Variants in ST6GALNAC2 observed in about 807,000 individuals in gnomAD.
The protein encoded by ST6GALNAC2 is ST6 N-acetylgalactosaminide alpha-2,6-sialyltransferase 2.
A neutral mutation model predicts 38.7 loss-of-function variants in ST6GALNAC2; 42 were observed. The observed-to-expected ratio is 1.09, with a 90% CI of 0.85 to 1.40. The LOEUF (loss-of-function observed/expected upper bound fraction) is 1.40. Ranked by LOEUF, ST6GALNAC2 falls within the 40% of genes most tolerant of loss-of-function variation. The pLI is 0.00. For synonymous variants in ST6GALNAC2, 233 were observed against 209.0 expected, an observed-to-expected ratio of 1.11 and a Z score of -0.99; for missense variants, 506 against 481.7, an observed-to-expected ratio of 1.05 and a Z score of -0.47.
intron 2 of ST6GALNAC2, among the ~76,000 whole-genome samples, chr17:76,575,564 G>A (rs1439547067): frequency 6.6e-6 from 1 of 152,218 alleles, no homozygotes; most frequent in Admixed American, 6.5e-5. Flanking sequence ...GCCTTCGGAG[G>A]GAGCGTGGCC....
At position 76,566,044 on chromosome 17, in the gene ST6GALNAC2, G is replaced by A. The variant is rs191069946; in HGVS notation, c.*60C>T. On this transcript the variant is annotated 3_prime_UTR_variant, in exon 9 of 9. Coordinates refer to ENST00000225276, the MANE Select transcript of ST6GALNAC2 (RefSeq NM_006456.3). ...GATTGAAAAGTTAAAAAAGCTTTTG[G>A]CCACTTGAGAGGATCAGGGCCGCAA... 3.9e-4 allele frequency: 595 copies of A among 1,537,244 alleles called. 1 individual carries two copies. Among genetic ancestry groups the A allele is most frequent in the African/African-American group, 2.5e-3 (180 of 71,912 alleles).
chr17:76,582,329 T>C (rs2075487963), intron 1 of ST6GALNAC2, among the ~76,000 whole-genome samples: 2 of 109,656 alleles, frequency 1.8e-5, no homozygotes. Context: ...TGTGTCACCA[T>C]GCCTGGCTAT....
intron 1 of ST6GALNAC2, among the ~76,000 whole-genome samples, chr17:76,579,344 G>A (rs1051764307): frequency 5.9e-5 from 9 of 152,262 alleles, no homozygotes; most frequent in African/African-American, 2.2e-4. Flanking sequence ...GAAATGTGGA[G>A]TTTATAGGAA....
chr17:76,583,956 C>A (rs1414281288), intron 1 of ST6GALNAC2, among the ~76,000 whole-genome samples: 1 of 147,128 alleles, frequency 6.8e-6, no homozygotes, highest in African/African-American at 2.5e-5. Flanking sequence ...TACAGGTGCC[C>A]GCCACCACGC....
Position 76,573,159 on chromosome 17 carries a change from T to TGCCCC in ST6GALNAC2, c.530+35_530+36insGGGGC. 3 of 1,530,322 alleles carry TGCCCC rather than the reference T, an allele frequency of 2.0e-6. No homozygotes were observed. The highest frequency in any genetic ancestry group is 2.7e-6 in the Non-Finnish European group (3 of 1,120,830). 94.8% of individuals were successfully genotyped at this position (1,530,322 alleles called of 1,614,324 possible). A position where few individuals can be genotyped will look rare whatever the true frequency, so the allele number is the denominator to read the frequency against. On this transcript the variant is annotated intron_variant, in intron 4 of 8. Coordinates refer to ENST00000225276, the MANE Select transcript of ST6GALNAC2 (RefSeq NM_006456.3). The surrounding 1 kb of genome is among the most constrained non-coding windows in gnomAD (Gnocchi z 5.1). ...GACACCCCCACCCTCCAGGCAACTC[T>TGCCCC]CCCTCCCGCCCCTCCCCAGCTCCTA...
rs141875733 is a variant in ST6GALNAC2 at position 76,574,402 on chromosome 17, G to T, written c.324C>A (p.His108Gln). ...GCCCCCGCCAGCCATACGGGGCTTT[G>T]TGTTGGCTCAGGCGGTCCCAGAGCG... ...TPALWDRLSQHKAPYGWRGLS... is the reference protein window; with the variant it reads ...TPALWDRLSQQKAPYGWRGLS... The change falls in exon 3 of 9, where the codon CAC becomes CAA. Residue 108 changes from histidine to glutamine, a missense_variant. By Grantham distance (24) the His-to-Gln change is conservative. Transcript: ENST00000225276. 3.7e-6 allele frequency: 6 copies of T among 1,613,842 alleles called. No homozygotes were observed. Among genetic ancestry groups the T allele is most frequent in the Non-Finnish European group, 5.1e-6 (6 of 1,179,916 alleles).
At position 76,567,477 on chromosome 17, in the gene ST6GALNAC2, C is replaced by A. The variant is rs1032601982; in HGVS notation, c.933G>T (p.Leu311=). The A allele has an allele frequency of 1.2e-6, 2 of 1,613,878 alleles. No homozygotes were observed. The highest frequency in any genetic ancestry group is 8.5e-7 in the Non-Finnish European group (1 of 1,179,896). ...CCTGGTCACAGGTATGCAAAGCTGT[C>A]AGCAGCATGAGAGCCCCGGTACTAG... The part of the protein sequence containing the change: ...YMPSTGALML[L]TALHTCDQVS... The change falls in exon 8 of 9, where the codon CTG becomes CTT. Residue 311 remains leucine, a synonymous_variant. Coordinates refer to ENST00000225276, the MANE Select transcript of ST6GALNAC2 (RefSeq NM_006456.3).
intron 1 of ST6GALNAC2, among the ~76,000 whole-genome samples, chr17:76,580,529 A>G (rs1190799533): frequency 1.3e-5 from 2 of 152,076 alleles, no homozygotes; most frequent in Admixed American, 1.3e-4. Flanking sequence ...CCCCATCTCT[A>G]CTAAAAATAC....
intron 6 of ST6GALNAC2, chr17:76,569,218 T>G (rs1160369440): frequency 6.7e-6 from 1 of 149,850 alleles, no homozygotes; most frequent in East Asian, 1.2e-4. Flanking sequence ...AAAGGGGGGC[T>G]CCTTCAGAAA....
At chr17:76,574,339 G>A (rs1269186115) in intron 3 of ST6GALNAC2, 26 bp downstream of exon 3, 1 of 1,602,864 alleles carries the variant, frequency 6.2e-7, no homozygotes, top group East Asian at 2.2e-5. Flanking sequence ...GCAGAAGGCA[G>A]GTGAGAGACA....
intron 1 of ST6GALNAC2, among the ~76,000 whole-genome samples, chr17:76,582,164 C>CTTTTTTTTTTTTTT (rs71158025): frequency 1.6e-5 from 1 of 62,060 alleles, no homozygotes; most frequent in African/African-American, 6.6e-5. Context: ...CGTGCCCAGC[C>CTTTTTTTTTTTTTT]TTTTTTTTTT....
In ST6GALNAC2 at chr17:76,566,098, T is replaced by C. The variant is rs1442696006; in HGVS notation, c.*6A>G. On this transcript the variant is annotated 3_prime_UTR_variant, in exon 9 of 9. Coordinates refer to ENST00000225276, the MANE Select transcript of ST6GALNAC2 (RefSeq NM_006456.3). ...TTGAAGAAGCAAAGGGCTCAGTGCA[T>C]TGGGGTCAGCGCTGGTACAGCTGAA... The C allele has an allele frequency of 6.2e-7, 1 of 1,612,914 alleles. No homozygotes were observed. The highest frequency in any genetic ancestry group is 8.5e-7 in the Non-Finnish European group (1 of 1,179,414).
intron 6 of ST6GALNAC2, chr17:76,569,988 G>A (rs746010617): frequency 2.2e-4 from 37 of 168,952 alleles, no homozygotes; most frequent in South Asian, 8.1e-4. Context: ...GGGTCAGGTC[G>A]TGGCTCAAGA....
Position 76,566,207 on chromosome 17 carries a change from T to C in ST6GALNAC2, c.1022A>G (p.Lys341Arg). 6.2e-7 allele frequency: 1 copy of C among 1,614,138 alleles called. No homozygotes were observed. The highest frequency in any genetic ancestry group is 8.5e-7 in the Non-Finnish European group (1 of 1,180,044). Residue 341 changes from lysine to arginine, a missense_variant, in exon 9 of 9, where the codon AAA (lysine) becomes AGA (arginine). Lys to Arg is a conservative substitution (Grantham distance 26, BLOSUM62 2). Coordinates refer to ENST00000225276, the MANE Select transcript of ST6GALNAC2 (RefSeq NM_006456.3). ...WKFSDHYFER[K>R]MKPLIFYANH... ...TGCATAAAATATCAATGGCTTCATTTTTCGTTCGAAATAGTGGTCGGAAAA... is the reference window on the plus strand; with the variant it reads ...TGCATAAAATATCAATGGCTTCATTCTTCGTTCGAAATAGTGGTCGGAAAA...
chr17:76,568,928 G>C (rs778735711), intron 6 of ST6GALNAC2, 132 bp from the exon 7 acceptor site: 112 of 755,222 alleles, frequency 1.5e-4, no homozygotes, highest in Non-Finnish European at 2.2e-4. Context: ...GAGTAGTAGC[G>C]GGAGAAGGGG....
chr17:76,566,133 C>A lies in ST6GALNAC2; in HGVS notation c.1096G>T (p.Ala366Ser), dbSNP rs2075278036. ...CGCTGGTACAGCTGAAGGATGCCGG[C>A]CTTGTGCAGGTCCCTCCACAGGGCA... ...EAALWRDLHK[A>S]GILQLYQR is the part of the protein sequence containing the mutation. Residue 366 changes from alanine to serine, a missense_variant, in exon 9 of 9, where the codon GCC (alanine) becomes TCC (serine). Coordinates refer to ENST00000225276, the MANE Select transcript of ST6GALNAC2 (RefSeq NM_006456.3). 1 of 1,614,056 alleles carries A rather than the reference C, an allele frequency of 6.2e-7. No individual in the cohort carries two copies. The highest frequency in any genetic ancestry group is 8.5e-7 in the Non-Finnish European group (1 of 1,179,988).
At position 76,565,508 on chromosome 17, in the gene ST6GALNAC2, C is replaced by T. The variant is rs1185410477; in HGVS notation, c.*596G>A. 1 of 152,042 alleles carries T rather than the reference C, an allele frequency of 6.6e-6. No homozygotes were observed. Among genetic ancestry groups the T allele is most frequent in the African/African-American group, 2.4e-5 (1 of 41,320 alleles). The allele number at this position is 152,042 out of a possible 1,614,324, so 9.4% of individuals were successfully genotyped here. A position where few individuals can be genotyped will look rare whatever the true frequency, so the allele number is the denominator to read the frequency against. ...TAACCCCCATCAAGTGCCAGACCCT[C>T]CCAGTGTTCTGAGAGTCATCTCCAT... On this transcript the variant is annotated 3_prime_UTR_variant, in exon 9 of 9. Coordinates refer to ENST00000225276, the MANE Select transcript of ST6GALNAC2 (RefSeq NM_006456.3).
intron 7 of ST6GALNAC2, chr17:76,568,433 T>C (rs1053857187): frequency 7.8e-5 from 33 of 425,240 alleles, no homozygotes; most frequent in African/African-American, 6.3e-4. Flanking sequence ...GTGCACCTTA[T>C]GGTCCCAGCT....
In ST6GALNAC2 at chr17:76,584,675, T is replaced by C. The variant is rs2075522768; in HGVS notation, c.125+1009A>G. Among the ~76,000 whole-genome samples the C allele has an allele frequency of 2.0e-5, 3 of 152,210 alleles. No homozygotes were observed. In the South Asian group the frequency reaches 6.2e-4, roughly 32 times the overall value. On this transcript the variant is annotated intron_variant, in intron 1 of 8. Transcript: ENST00000225276. ...CTTTGTTCTAAGAGTGCTGGACTCCTGATCACTGGCAAGCTGTTTCACATT... is the reference window on the plus strand; with the variant it reads ...CTTTGTTCTAAGAGTGCTGGACTCCCGATCACTGGCAAGCTGTTTCACATT...
Sources: gnomAD v4.1 joint callset for allele counts (sites outside exome capture counted in the v4.1 genomes callset) on GRCh38, gnomAD v4.1.1 for gene constraint, Gnocchi (gnomAD v3.1) non-coding constraint, MANE v1.5 for transcripts, NCBI Gene and HGNC (gene_info 2026-07-23, HGNC 2026-07-21) for gene names.